The following AFF2 variants were observed in gnomAD, a reference collection of about 807,000 sequenced individuals.
The protein encoded by AFF2 is ALF transcription elongation factor 2.
In AFF2, 14 loss-of-function variants were observed where a neutral mutation model predicts 76.9. That is an observed-to-expected ratio of 0.18 (90% CI 0.12 to 0.28). The LOEUF is 0.28. Among genes scored for constraint, AFF2 ranks in the 10% least tolerant of loss-of-function variants. The probability of loss-of-function intolerance (pLI) is 1.00; values close to 1 mark genes in which losing one functional copy is unlikely to be tolerated. For missense variants in AFF2, 868 were observed against 1,001.1 expected (o/e 0.87, Z 1.79); for synonymous variants, 398 against 366.7 (o/e 1.09, Z -0.98).
chrX:148,998,751 T>C lies in AFF2; in HGVS notation c.*7419T>C, dbSNP rs2072638157. 9.0e-6 allele frequency: 1 copy of C among 111,495 alleles called. No homozygotes were observed. The highest frequency in any genetic ancestry group is 3.8e-4 in the South Asian group (1 of 2,629). 9.2% of individuals were successfully genotyped at this position (111,495 alleles called of 1,213,427 possible). A position where few individuals can be genotyped will look rare whatever the true frequency, so the allele number is the denominator to read the frequency against. On this transcript the variant is annotated 3_prime_UTR_variant, in exon 21 of 21. Transcript: ENST00000370460. ...TACTTCAGTCAAGACTTTTTAGGTT[T>C]ATCTTTTTTTTTTCATTTCTCCTTT...
At chrX:148,907,177 A>G (rs1246130887) in intron 9 of AFF2, among the ~76,000 whole-genome samples, 2 of 112,180 alleles carry the variant, frequency 1.8e-5, no homozygotes, top group African/African-American at 6.5e-5. Flanking sequence ...GTTACACACA[A>G]TGCACTGGAA....
chrX:148,998,437 A>G lies in AFF2; in HGVS notation c.*7105A>G, dbSNP rs2072633283. On this transcript the variant is annotated 3_prime_UTR_variant, in exon 21 of 21. Transcript: ENST00000370460. ...TCCTGATTTAAAACATGCCCCCTGG[A>G]AAGGCATGCTGTATTATGAAATCGT... The G allele has an allele frequency of 8.9e-6, 1 of 112,888 alleles. No individual in the cohort carries two copies. Among genetic ancestry groups the G allele is most frequent in the Admixed American group, 9.4e-5 (1 of 10,643 alleles). The allele number at this position is 112,888 out of a possible 1,213,427, so 9.3% of individuals were successfully genotyped here. A position where few individuals can be genotyped will look rare whatever the true frequency, so the allele number is the denominator to read the frequency against.
chrX:148,681,581 TGTGAGA>T (rs2054548531), intron 3 of AFF2, among the ~76,000 whole-genome samples: 1 of 73,225 alleles, frequency 1.4e-5, no homozygotes, highest in Admixed American at 1.4e-4. Flanking sequence ...TGTGTGTGTG[TGTGAGA>T]GAGAGAGAAT....
intron 3 of AFF2, among the ~76,000 whole-genome samples, chrX:148,785,299 T>C (rs1269263595): frequency 8.9e-6 from 1 of 112,158 alleles, no homozygotes; most frequent in Non-Finnish European, 1.9e-5. Context: ...CTGTACCCAG[T>C]ATCAGGATAT....
Position 148,670,400 on chromosome X carries a change from G to A in AFF2, c.1041+7632G>A, listed in dbSNP as rs531436814. Reference sequence around the variant, plus strand: ...TAGAGTAGTTCAAGAGGAATCTGGAGAGCAGTTCATATGTGTGCATATTAG... The same window carrying A: ...TAGAGTAGTTCAAGAGGAATCTGGAAAGCAGTTCATATGTGTGCATATTAG... On this transcript the variant is annotated intron_variant, in intron 3 of 20. Transcript: ENST00000370460. Among the ~76,000 whole-genome samples, 6 of 111,771 alleles carry A rather than the reference G, an allele frequency of 5.4e-5. No individual in the cohort carries two copies. In the South Asian group the frequency reaches 2.2e-3, roughly 42 times the overall value.
intron 4 of AFF2, among the ~76,000 whole-genome samples, chrX:148,810,616 C>A (rs2070191588): frequency 8.9e-6 from 1 of 111,998 alleles, no homozygotes; most frequent in Admixed American, 9.4e-5. Flanking sequence ...CCTGTCCTGG[C>A]TCTACCATTT....
At chrX:148,573,175 A>G (rs1410869753) in intron 1 of AFF2, among the ~76,000 whole-genome samples, 4 of 111,886 alleles carry the variant, frequency 3.6e-5, no homozygotes, top group Non-Finnish European at 7.5e-5. Flanking sequence ...GCTTCCAGAA[A>G]AAGATACACA....
chrX:148,674,743 A>G (rs1237161601), intron 3 of AFF2, among the ~76,000 whole-genome samples: 1 of 112,430 alleles, frequency 8.9e-6, no homozygotes, highest in African/African-American at 3.2e-5. Flanking sequence ...AGAGGTGACC[A>G]CAGAGATAAC....
chrX:148,763,088 A>G (rs1557267453), intron 3 of AFF2, among the ~76,000 whole-genome samples: 2 of 112,225 alleles, frequency 1.8e-5, no homozygotes, highest in Non-Finnish European at 3.8e-5. Flanking sequence ...AACAACAAAT[A>G]TTGATTTCAA....
intron 9 of AFF2, among the ~76,000 whole-genome samples, chrX:148,924,796 A>G (rs782510223): frequency 5.5e-4 from 62 of 112,009 alleles, no homozygotes; most frequent in Non-Finnish European, 1.0e-3. Context: ...TAGTTTCAAC[A>G]ACCTTTGGGT....
intron 1 of AFF2, among the ~76,000 whole-genome samples, chrX:148,563,293 G>A (rs1357833576): frequency 1.1e-4 from 12 of 112,207 alleles, no homozygotes; most frequent in Non-Finnish European, 2.1e-4. Flanking sequence ...GTTTGGAGGA[G>A]TTTAAGCATG....
In AFF2 at chrX:148,651,743, A is replaced by AT. The variant is rs1557256364; in HGVS notation, c.48-256_48-255insT. ...AATAATCAAAAAAGGACAAGGGAAGAGATTTTGCTTTACTTGCTTGTCATG... is the reference window on the plus strand; with the variant it reads ...AATAATCAAAAAAGGACAAGGGAAGATGATTTTGCTTTACTTGCTTGTCATG... On this transcript the variant is annotated intron_variant, in intron 1 of 20. Transcript: ENST00000370460. Among the ~76,000 whole-genome samples, 5 of 166 alleles carry AT rather than the reference A, an allele frequency of 0.03. No individual in the cohort carries two copies. The Admixed American group carries it at 0.33, about 11-fold the overall frequency. The allele number at this position is 166 out of a possible 115,157, so 0.1% of individuals were successfully genotyped here. A position where few individuals can be genotyped will look rare whatever the true frequency, so the allele number is the denominator to read the frequency against.
At chrX:148,637,166 TGCACTGCTTCCATA>T (rs1229859809) in intron 1 of AFF2, among the ~76,000 whole-genome samples, 2 of 111,914 alleles carry the variant, frequency 1.8e-5, no homozygotes, top group African/African-American at 6.5e-5. Context: ...TAATATACAG[TGCACTGCTTCCATA>T]TGGTGCATTG....
At chrX:148,526,779 A>G (rs782338856) in intron 1 of AFF2, among the ~76,000 whole-genome samples, 8 of 111,450 alleles carry the variant, frequency 7.2e-5, no homozygotes, top group South Asian at 3.8e-4. Context: ...TTAAAATATC[A>G]TGATGTTATA....
In AFF2 at chrX:148,978,348, C is replaced by T; in HGVS notation, c.3477-14C>T. The T allele has an allele frequency of 1.7e-6, 2 of 1,157,208 alleles. No individual in the cohort carries two copies. The highest frequency in any genetic ancestry group is 2.4e-6 in the Non-Finnish European group (2 of 846,603). On this transcript the variant is annotated splice_polypyrimidine_tract_variant and intron_variant, in intron 17 of 20. Transcript: ENST00000370460. ...AGCACTGGCATTAACAGAAGCCTTTCCTCATCACCACAGCTACCGATGTTT... is the reference window on the plus strand; with the variant it reads ...AGCACTGGCATTAACAGAAGCCTTTTCTCATCACCACAGCTACCGATGTTT...
At chrX:148,725,629 C>A (rs143731042) in intron 3 of AFF2, among the ~76,000 whole-genome samples, 1,447 of 111,951 alleles carry the variant, frequency 0.013, 12 homozygotes, top group Non-Finnish European at 0.021. Flanking sequence ...GTGCATTTCT[C>A]CCTTTTCCTG....
intron 1 of AFF2, among the ~76,000 whole-genome samples, chrX:148,564,246 T>C (rs782075268): frequency 1.1e-3 from 117 of 111,158 alleles, no homozygotes; most frequent in African/African-American, 3.6e-3. Flanking sequence ...CAGATAAGTT[T>C]TAAATATATA....
At chrX:148,510,868 C>T (rs1447829637) in intron 1 of AFF2, among the ~76,000 whole-genome samples, 2 of 111,778 alleles carry the variant, frequency 1.8e-5, no homozygotes, top group East Asian at 5.6e-4. Flanking sequence ...AGACAAAAAC[C>T]TGCTTAATAC....
intron 1 of AFF2, among the ~76,000 whole-genome samples, chrX:148,555,933 C>T (rs1182956818): frequency 1.8e-5 from 2 of 112,162 alleles, no homozygotes; most frequent in Non-Finnish European, 3.8e-5. Flanking sequence ...GTAAACCACA[C>T]GAGGTGAATT....
Sources: gnomAD v4.1 joint callset for allele counts (sites outside exome capture counted in the v4.1 genomes callset) on GRCh38, gnomAD v4.1.1 for gene constraint, MANE v1.5 for transcripts, NCBI Gene and HGNC (gene_info 2026-07-23, HGNC 2026-07-21) for gene names.